Variants in BBX observed in about 807,000 individuals in gnomAD.
BBX encodes the protein BBX high mobility group box domain containing.
BBX carries 30 observed loss-of-function variants against 100.2 expected under a neutral mutation model. The observed-to-expected ratio is 0.30, with a 90% CI of 0.22 to 0.41. The LOEUF (loss-of-function observed/expected upper bound fraction) is 0.41. Among genes scored for constraint, BBX ranks in the 10% least tolerant of loss-of-function variants. The probability of loss-of-function intolerance (pLI) is 1.00; values close to 1 mark genes in which losing one functional copy is unlikely to be tolerated. For synonymous variants in BBX, 376 were observed against 388.1 expected, an observed-to-expected ratio of 0.97 and a Z score of 0.37; for missense variants, 1,023 against 1,129.8, an observed-to-expected ratio of 0.91 and a Z score of 1.35.
intron 2 of BBX, among the ~76,000 whole-genome samples, chr3:107,541,660 A>T (rs2048872582): frequency 6.6e-6 from 1 of 151,872 alleles, no homozygotes; most frequent in Non-Finnish European, 1.5e-5. Flanking sequence ...GATTATGTTA[A>T]TCCCCCCCCC....
chr3:107,717,471 T>C (rs547859657), intron 5 of BBX, among the ~76,000 whole-genome samples: 1 of 152,140 alleles, frequency 6.6e-6, no homozygotes. Context: ...GATTTTGTAA[T>C]AAAATTGTCA....
intron 2 of BBX, among the ~76,000 whole-genome samples, chr3:107,643,532 G>A (rs192003799): frequency 1.3e-5 from 2 of 152,056 alleles, no homozygotes; most frequent in African/African-American, 4.8e-5. Context: ...GGTGATTGGG[G>A]GTTGAAAGTA....
intron 3 of BBX, among the ~76,000 whole-genome samples, chr3:107,705,475 C>T (rs774702147): frequency 1.3e-5 from 2 of 152,116 alleles, no homozygotes; most frequent in African/African-American, 2.4e-5. Context: ...AAATTTATGA[C>T]GGTGCCAAGG....
chr3:107,652,025 G>A (rs1298748499), intron 3 of BBX, among the ~76,000 whole-genome samples: 1 of 152,182 alleles, frequency 6.6e-6, no homozygotes, highest in Non-Finnish European at 1.5e-5. Flanking sequence ...GGACACCTAA[G>A]TGCAATGTCT....
intron 1 of BBX, chr3:107,525,635 C>G (rs1011906955): frequency 7.9e-5 from 12 of 152,484 alleles, no homozygotes; most frequent in African/African-American, 2.9e-4. Flanking sequence ...TTGATGGTGA[C>G]CAGCAACAAA....
intron 2 of BBX, among the ~76,000 whole-genome samples, chr3:107,541,504 TAA>T (rs1449464562): frequency 1.3e-5 from 2 of 152,202 alleles, no homozygotes; most frequent in East Asian, 3.8e-4. Context: ...ATAAGTGTAC[TAA>T]AATTATGTAG....
At chr3:107,700,707 G>A (rs1356933820) in intron 3 of BBX, among the ~76,000 whole-genome samples, 8 of 149,608 alleles carry the variant, frequency 5.3e-5, no homozygotes, top group East Asian at 4.0e-4. Context: ...TTGTCCTTGC[G>A]ATAGTTTGCT....
At chr3:107,529,487 C>T (rs1018987336) in intron 2 of BBX, among the ~76,000 whole-genome samples, 7 of 152,178 alleles carry the variant, frequency 4.6e-5, no homozygotes, top group African/African-American at 1.4e-4. Flanking sequence ...AGGCAGTCCT[C>T]AGTACACTGA....
At chr3:107,723,533 T>C (rs1325057764) in intron 5 of BBX, among the ~76,000 whole-genome samples, 2 of 152,074 alleles carry the variant, frequency 1.3e-5, no homozygotes, top group African/African-American at 2.4e-5. Context: ...TTACATTAGG[T>C]ATATCTCCTA....
chr3:107,578,496 G>A (rs1025922677), intron 2 of BBX, among the ~76,000 whole-genome samples: 1 of 152,202 alleles, frequency 6.6e-6, no homozygotes, highest in African/African-American at 2.4e-5. Context: ...TTGTATGTAT[G>A]AAAAATATCA....
chr3:107,592,060 TCATATTAG>T (rs2053357316), intron 2 of BBX, among the ~76,000 whole-genome samples: 1 of 152,164 alleles, frequency 6.6e-6, no homozygotes, highest in Non-Finnish European at 1.5e-5. Context: ...GACTGTGGCT[TCATATTAG>T]AGATTAACCC....
intron 16 of BBX, 36 bp from the exon 17 acceptor site, chr3:107,801,059 G>T (rs2070401057): frequency 4.4e-6 from 7 of 1,593,876 alleles, no homozygotes; most frequent in Admixed American, 1.7e-5. Context: ...AGAGAACAGA[G>T]TGATCCTCTC....
chr3:107,640,028 G>A (rs1329358549), intron 2 of BBX, among the ~76,000 whole-genome samples: 1 of 152,086 alleles, frequency 6.6e-6, no homozygotes, highest in East Asian at 1.9e-4. Flanking sequence ...CATTTATTGA[G>A]CACTTATTGT....
chr3:107,632,960 C>T (rs1025397857), intron 2 of BBX, among the ~76,000 whole-genome samples: 4 of 152,124 alleles, frequency 2.6e-5, no homozygotes, highest in South Asian at 2.1e-4. Context: ...TAAAAAACAA[C>T]GACAACCAAA....
intron 2 of BBX, among the ~76,000 whole-genome samples, chr3:107,535,878 C>T (rs1000234771): frequency 1.3e-5 from 2 of 152,230 alleles, no homozygotes; most frequent in African/African-American, 2.4e-5. Context: ...GGATTATAGG[C>T]GTGAGCCACC....
intron 13 of BBX, among the ~76,000 whole-genome samples, chr3:107,785,955 C>T (rs183940438): frequency 6.6e-6 from 1 of 152,000 alleles, no homozygotes; most frequent in Non-Finnish European, 1.5e-5. Context: ...AAAACTATTA[C>T]AGCTAATAAA....
At chr3:107,712,774 T>A (rs1019892942) in intron 4 of BBX, among the ~76,000 whole-genome samples, 1 of 152,184 alleles carries the variant, frequency 6.6e-6, no homozygotes, top group Non-Finnish European at 1.5e-5. Context: ...CCTGTTTCTG[T>A]GAGGGCAGGG....
chr3:107,526,713 C>A (rs1181258803), intron 2 of BBX: 2 of 179,568 alleles, frequency 1.1e-5, no homozygotes, highest in Non-Finnish European at 2.3e-5. Context: ...AAATTTAATG[C>A]TAGACAATAC....
At chr3:107,711,878 T>C (rs1276255828) in intron 4 of BBX, among the ~76,000 whole-genome samples, 1 of 152,136 alleles carries the variant, frequency 6.6e-6, no homozygotes, top group African/African-American at 2.4e-5. Context: ...TATTTATCCT[T>C]TCTTTTTTTT....
Sources: allele counts gnomAD v4.1 joint callset (sites outside exome capture counted in the v4.1 genomes callset), GRCh38; gene constraint gnomAD v4.1.1; transcripts MANE v1.5; gene names NCBI Gene and HGNC (gene_info 2026-07-23, HGNC 2026-07-21).